Variants in GLIS3 observed in about 807,000 individuals in gnomAD.
The protein encoded by GLIS3 is zinc finger protein GLIS3.
In GLIS3, 53 loss-of-function variants were observed where a neutral mutation model predicts 78.6. The ratio of observed to expected loss-of-function variants is 0.67; its 90% CI spans 0.54 to 0.85. The LOEUF (loss-of-function observed/expected upper bound fraction) is 0.85, where lower values mean the gene tolerates loss of function less well. Among genes scored for constraint, GLIS3 ranks in the 40% least tolerant of loss-of-function variants. The pLI, the probability that GLIS3 is intolerant of heterozygous loss-of-function variation, is 0.00. For synonymous variants in GLIS3, 684 were observed against 509.9 expected, an observed-to-expected ratio of 1.34 and a Z score of -4.60; for missense variants, 1,703 against 1,231.1, an observed-to-expected ratio of 1.38 and a Z score of -5.74.
At chr9:4,467,815 G>A in the GLIS3 span, among the ~76,000 whole-genome samples, 246 of 152,316 alleles carry the variant, frequency 1.6e-3, no homozygotes, top group African/African-American at 5.6e-3. Context: ...GAAGGTTTCC[G>A]ATGATCGGTA....
chr9:4,296,600 C>G (rs1395027369), intron 1 of GLIS3, among the ~76,000 whole-genome samples: 1 of 152,134 alleles, frequency 6.6e-6, no homozygotes, highest in Non-Finnish European at 1.5e-5. Context: ...TCAGTGGAAT[C>G]AGGGGATCAA....
intron 4 of GLIS3, among the ~76,000 whole-genome samples, chr9:4,060,219 T>G (rs2130554098): frequency 6.6e-6 from 1 of 152,306 alleles, no homozygotes; most frequent in South Asian, 2.1e-4. Flanking sequence ...TACTCTCAGT[T>G]CTTCAAGACT....
chr9:4,324,109 C>G (rs191133558), intron 2 of GLIS3, among the ~76,000 whole-genome samples: 51 of 152,296 alleles, frequency 3.3e-4, no homozygotes, highest in African/African-American at 1.2e-3. Context: ...CCCTATGTAA[C>G]TCCTGCACAC....
the GLIS3 span, among the ~76,000 whole-genome samples, chr9:4,454,863 G>T: frequency 2.0e-5 from 3 of 152,118 alleles, no homozygotes; most frequent in African/African-American, 7.2e-5. Context: ...CAAATTTGAA[G>T]AAATTTTTGT....
At chr9:4,431,071 T>C in the GLIS3 span, among the ~76,000 whole-genome samples, 1 of 152,190 alleles carries the variant, frequency 6.6e-6, no homozygotes, top group Non-Finnish European at 1.5e-5. Flanking sequence ...GATCAGAAAT[T>C]GTTGGGCCTT....
In GLIS3 at chr9:3,879,444, C is replaced by T; in HGVS notation, c.2280G>A (p.Val760=). ...GGCCTTACCTCTCAGCTCCTGCGTC[C>T]ACAGCTGTGAGTGGAGGTAACTGGG... The part of the protein sequence containing the change: ...PSSQLPPLTA[V]DAGAERFAPS... The change falls in exon 8 of 11, where the codon GTG becomes GTA. Residue 760 remains valine, a synonymous_variant. Transcript: ENST00000381971. 1 of 1,614,098 alleles carries T rather than the reference C, an allele frequency of 6.2e-7. No homozygotes were observed.
chr9:4,489,246 T>C, the GLIS3 span, among the ~76,000 whole-genome samples: 1 of 152,250 alleles, frequency 6.6e-6, no homozygotes, highest in Non-Finnish European at 1.5e-5. Flanking sequence ...TCTCAAAGTT[T>C]ACTTTCTATA....
chr9:4,487,122 C>A, the GLIS3 span, among the ~76,000 whole-genome samples: 1 of 152,202 alleles, frequency 6.6e-6, no homozygotes, highest in Non-Finnish European at 1.5e-5. Flanking sequence ...GCCTCAGCCT[C>A]TCGAGTAGCT....
intron 2 of GLIS3, among the ~76,000 whole-genome samples, chr9:4,225,128 G>C (rs1366941262): frequency 6.6e-6 from 1 of 151,660 alleles, no homozygotes; most frequent in East Asian, 1.9e-4. Context: ...ATGAGCCTCA[G>C]AGACGTTAAG....
At chr9:4,300,241 C>CACACAT (rs1174092451), upstream of GLIS3, among the ~76,000 whole-genome samples, 6 of 151,688 alleles carry the variant, frequency 4.0e-5, no homozygotes, top group African/African-American at 1.2e-4. Context: ...CACACACACA[C>CACACAT]ACACACTCCC....
At chr9:4,119,833 C>T (rs1832046367) in intron 3 of GLIS3, among the ~76,000 whole-genome samples, 1 of 152,202 alleles carries the variant, frequency 6.6e-6, no homozygotes, top group Admixed American at 6.5e-5. Context: ...ATTCATTTTG[C>T]TTTACTGTGA....
At chr9:4,202,143 C>A (rs1419832667) in intron 2 of GLIS3, among the ~76,000 whole-genome samples, 2 of 126,172 alleles carry the variant, frequency 1.6e-5, no homozygotes, top group African/African-American at 3.0e-5. Flanking sequence ...TTTTTTTCTC[C>A]CCCTTTTTCT....
At chr9:4,003,117 T>C (rs1821251854) in intron 4 of GLIS3, among the ~76,000 whole-genome samples, 1 of 152,192 alleles carries the variant, frequency 6.6e-6, no homozygotes, top group Non-Finnish European at 1.5e-5. Context: ...CAGTGGCTCA[T>C]GCCTGTAATC....
intron 2 of GLIS3, among the ~76,000 whole-genome samples, chr9:4,240,623 A>C (rs1473843424): frequency 6.6e-6 from 1 of 152,228 alleles, no homozygotes; most frequent in Non-Finnish European, 1.5e-5. Flanking sequence ...ATTAGCCTTA[A>C]AATCACAGAA....
intron 2 of GLIS3, among the ~76,000 whole-genome samples, chr9:4,267,696 T>C (rs1039678761): frequency 3.9e-5 from 6 of 152,170 alleles, no homozygotes; most frequent in Non-Finnish European, 5.9e-5. Flanking sequence ...TCACAAATCA[T>C]AAAACAACGA....
At chr9:4,267,679 A>G (rs1294357315) in intron 2 of GLIS3, among the ~76,000 whole-genome samples, 1 of 152,224 alleles carries the variant, frequency 6.6e-6, no homozygotes, top group Non-Finnish European at 1.5e-5. Context: ...AAAGGTGACC[A>G]GGATCCTCAC....
intron 4 of GLIS3, among the ~76,000 whole-genome samples, chr9:4,049,967 T>C (rs1460490134): frequency 6.6e-6 from 1 of 152,060 alleles, no homozygotes; most frequent in Non-Finnish European, 1.5e-5. Flanking sequence ...GGAGAGGATG[T>C]GGAGAAATAG....
chr9:3,928,548 T>G (rs1165003859), intron 6 of GLIS3, among the ~76,000 whole-genome samples: 1 of 152,252 alleles, frequency 6.6e-6, no homozygotes, highest in Non-Finnish European at 1.5e-5. Flanking sequence ...TTTCTGGTTT[T>G]GAGTATATGT....
chr9:3,926,308 G>A (rs993345671), intron 6 of GLIS3, among the ~76,000 whole-genome samples: 31 of 144,372 alleles, frequency 2.1e-4, no homozygotes, highest in African/African-American at 7.7e-4. Context: ...TCTGCTCACT[G>A]CAAGCTCCAC....
Sources: gnomAD v4.1 joint callset for allele counts (sites outside exome capture counted in the v4.1 genomes callset) on GRCh38, gnomAD v4.1.1 for gene constraint, MANE v1.5 for transcripts, NCBI Gene and HGNC (gene_info 2026-07-23, HGNC 2026-07-21) for gene names.